Variants in ARHGAP29 observed in about 807,000 individuals in gnomAD.
ARHGAP29 encodes the protein Rho GTPase activating protein 29, also known as rho GTPase-activating protein 29.
In ARHGAP29, 43 loss-of-function variants were observed where a neutral mutation model predicts 122.6. The ratio of observed to expected loss-of-function variants is 0.35; its 90% CI spans 0.27 to 0.45. ARHGAP29 has a LOEUF of 0.45. Ranked by LOEUF, ARHGAP29 falls within the 20% of genes least tolerant of loss-of-function variation. The pLI, the probability that ARHGAP29 is intolerant of heterozygous loss-of-function variation, is 1.00. For missense variants in ARHGAP29, 1,303 were observed against 1,477.2 expected, an observed-to-expected ratio of 0.88 and a Z score of 1.93; for synonymous variants, 506 against 497.1, an observed-to-expected ratio of 1.02 and a Z score of -0.24.
At chr1:94,281,798 T>C in the ARHGAP29 span, among the ~76,000 whole-genome samples, 2 of 152,156 alleles carry the variant, frequency 1.3e-5, no homozygotes, top group African/African-American at 4.8e-5. Flanking sequence ...AATTCAATTG[T>C]GAGTAATAAG....
At chr1:94,223,587 A>G (rs1557873339) in intron 2 of ARHGAP29, among the ~76,000 whole-genome samples, 1 of 151,828 alleles carries the variant, frequency 6.6e-6, no homozygotes, top group Admixed American at 6.6e-5. Context: ...TTTGGCCACT[A>G]AAAAAAACTA....
intron 1 of ARHGAP29, chr1:94,247,725 AGCG>A: frequency 1.4e-6 from 1 of 731,526 alleles, no homozygotes; most frequent in Non-Finnish European, 1.7e-6. Context: ...CCACCACCAC[AGCG>A]GCCGCCGCCT....
chr1:94,179,880 T>G lies in ARHGAP29; in HGVS notation c.2325A>C (p.Glu775Asp), dbSNP rs1254292884. The G allele has an allele frequency of 6.2e-7, 1 of 1,613,278 alleles. No homozygotes were observed. The highest frequency in any genetic ancestry group is 1.3e-5 in the African/African-American group (1 of 75,028). The change falls in exon 20 of 23, where the codon GAA (glutamate) becomes GAC (aspartate). Residue 775 changes from glutamate to aspartate, a missense_variant. Coordinates refer to ENST00000260526, the MANE Select transcript of ARHGAP29 (RefSeq NM_004815.4). Reference sequence around the variant, plus strand: ...GACTATTCTTTTTTGTCTCTTGTTCTTCATTTACATGTTGGATCTCTTTTG... The same window carrying G: ...GACTATTCTTTTTTGTCTCTTGTTCGTCATTTACATGTTGGATCTCTTTTG... ...DLAKEIQHVNEEQETKKNSLE... is the reference protein window; with the variant it reads ...DLAKEIQHVNDEQETKKNSLE...
chr1:94,224,233 G>A (rs1652488967), intron 2 of ARHGAP29, among the ~76,000 whole-genome samples: 1 of 152,124 alleles, frequency 6.6e-6, no homozygotes, highest in South Asian at 2.1e-4. Context: ...CCAAAACCAA[G>A]GTGGAGTGAT....
upstream of ARHGAP29, among the ~76,000 whole-genome samples, chr1:94,242,064 A>G (rs889911425): frequency 2.0e-5 from 3 of 152,156 alleles, no homozygotes; most frequent in Admixed American, 2.0e-4. Flanking sequence ...AGAAAAAGAA[A>G]GAGCTCCAGA....
the ARHGAP29 span, among the ~76,000 whole-genome samples, chr1:94,285,768 G>A: frequency 3.1e-3 from 466 of 151,658 alleles, 2 homozygotes; most frequent in Non-Finnish European, 5.0e-3. Context: ...CCAGCTACTT[G>A]GGAGGCTAAG....
Position 94,174,025 on chromosome 1 carries a change from G to A in ARHGAP29, c.3630C>T (p.Asp1210=). The A allele has an allele frequency of 6.2e-7, 1 of 1,614,202 alleles. No homozygotes were observed. The highest frequency in any genetic ancestry group is 8.5e-7 in the Non-Finnish European group (1 of 1,180,032). ...GLVVKSMPDP[D]KASACPGQAT... is the part of the protein sequence containing the mutation. ...CTTGCCCAGGACAAGCTGATGCTTTGTCTGGGTCTGGCATTGACTTCACCA... is the reference window on the plus strand; with the variant it reads ...CTTGCCCAGGACAAGCTGATGCTTTATCTGGGTCTGGCATTGACTTCACCA... Residue 1210 remains aspartate, a synonymous_variant, in exon 23 of 23, where the codon GAC becomes GAT. Coordinates refer to ENST00000260526, the MANE Select transcript of ARHGAP29 (RefSeq NM_004815.4).
In ARHGAP29 at chr1:94,174,600, T is replaced by G. The variant is rs1193631650; in HGVS notation, c.3055A>C (p.Ser1019Arg). 1 of 1,614,160 alleles carries G rather than the reference T, an allele frequency of 6.2e-7. No individual in the cohort carries two copies. The highest frequency in any genetic ancestry group is 1.7e-5 in the Admixed American group (1 of 60,026). ...HTPRTKIRPV[S>R]LPVDRLLLAS... ...AGAAGTAGTCTATCTACAGGCAAAC[T>G]TACAGGTCTAATCTTGGTCCTTGGA... Residue 1019 changes from serine (S) to arginine (R), a missense_variant, in exon 23 of 23, where the codon AGT (serine) becomes CGT (arginine). This residue lies in a region of ARHGAP29 where 620 missense variants were observed against 651.2 expected (regional missense o/e 0.95). Coordinates refer to ENST00000260526, the MANE Select transcript of ARHGAP29 (RefSeq NM_004815.4).
At chr1:94,246,817 C>G (rs1262942610) in intron 1 of ARHGAP29, among the ~76,000 whole-genome samples, 2 of 152,104 alleles carry the variant, frequency 1.3e-5, no homozygotes, top group Non-Finnish European at 2.9e-5. Context: ...GGTGCAATCT[C>G]CCAGCTTGTC....
intron 16 of ARHGAP29, 126 bp downstream of exon 16, chr1:94,186,373 G>T: frequency 5.2e-6 from 3 of 578,116 alleles, no homozygotes; most frequent in Non-Finnish European, 9.0e-6. Flanking sequence ...TTTAAGTCAT[G>T]GTGAATTTTT....
intron 1 of ARHGAP29, among the ~76,000 whole-genome samples, chr1:94,246,525 C>T (rs7538484): frequency 0.25 from 37,948 of 151,700 alleles, 4,887 homozygotes; most frequent in East Asian, 0.46. Context: ...CCCCTCCATC[C>T]CCCGCCCAAA....
At chr1:94,174,853 A>G in intron 22 of ARHGAP29, 104 bp from the exon 23 acceptor site, 2 of 1,286,040 alleles carry the variant, frequency 1.6e-6, no homozygotes, top group African/African-American at 3.0e-5. Flanking sequence ...AGTCTTACAT[A>G]TTTTTTCCAA....
the ARHGAP29 span, among the ~76,000 whole-genome samples, chr1:94,296,026 G>A: frequency 6.6e-6 from 1 of 152,162 alleles, no homozygotes; most frequent in African/African-American, 2.4e-5. Flanking sequence ...GAAGAAGGCA[G>A]AGGAATAAAT....
chr1:94,184,434 T>G (rs929809564), intron 18 of ARHGAP29, 146 bp from the exon 19 acceptor site: 27 of 678,010 alleles, frequency 4.0e-5, no homozygotes, highest in Non-Finnish European at 6.3e-5. Flanking sequence ...CAAGGCCAAA[T>G]GAAGTAACAT....
At chr1:94,309,784 CAGA>C in the ARHGAP29 span, among the ~76,000 whole-genome samples, 1 of 152,198 alleles carries the variant, frequency 6.6e-6, no homozygotes, top group East Asian at 1.9e-4. Context: ...AACCAGAGGG[CAGA>C]AGAAGAAACT....
At chr1:94,206,447 T>C (rs567425941) in intron 5 of ARHGAP29, among the ~76,000 whole-genome samples, 72 of 152,326 alleles carry the variant, frequency 4.7e-4, no homozygotes, top group African/African-American at 1.4e-3. Context: ...AGCTCCATTA[T>C]TACCTGTATG....
intron 22 of ARHGAP29, among the ~76,000 whole-genome samples, chr1:94,175,554 C>A (rs751312624): frequency 4.6e-5 from 7 of 152,192 alleles, no homozygotes; most frequent in Non-Finnish European, 1.0e-4. Flanking sequence ...CCTTTCTCTG[C>A]CACCCAGTCC....
rs140124238 is a variant in ARHGAP29, at chr1:94,199,772, C to T, written c.1281+1948G>A. Among the ~76,000 whole-genome samples, 114 of 152,304 alleles carry T rather than the reference C, an allele frequency of 7.5e-4. No individual in the cohort carries two copies. In the East Asian group the frequency reaches 0.021, roughly 28 times the overall value. On this transcript the variant is annotated intron_variant, in intron 12 of 22. Coordinates refer to ENST00000260526, the MANE Select transcript of ARHGAP29 (RefSeq NM_004815.4). The stretch of plus-strand genomic sequence containing the variant: ...AGCTCTACTTAGCTTTCTTTCATCC[C>T]TACTTACGCTTGCCAAACCTGGTAA...
chr1:94,241,387 G>A (rs1204507900), upstream of ARHGAP29, among the ~76,000 whole-genome samples: 17 of 151,994 alleles, frequency 1.1e-4, no homozygotes, highest in Admixed American at 3.9e-4. Context: ...AGGCCGAGGC[G>A]GGCGGATCAC....
Sources: allele counts gnomAD v4.1 joint callset (sites outside exome capture counted in the v4.1 genomes callset), GRCh38; gene constraint gnomAD v4.1.1; regional missense constraint gnomAD v4.1.1; transcripts MANE v1.5; gene names NCBI Gene and HGNC (gene_info 2026-07-23, HGNC 2026-07-21).